Variants in ATP6V1D observed in about 807,000 individuals in gnomAD.
The protein encoded by ATP6V1D is V-type proton ATPase subunit D.
A neutral mutation model predicts 39.4 loss-of-function variants in ATP6V1D; 20 were observed. That is an observed-to-expected ratio of 0.51 (90% CI 0.36 to 0.74). ATP6V1D has a LOEUF of 0.74. Ranked by LOEUF, ATP6V1D falls within the 30% of genes least tolerant of loss-of-function variation. The pLI, the probability that ATP6V1D is intolerant of heterozygous loss-of-function variation, is 0.00. For missense variants in ATP6V1D, 228 were observed against 291.6 expected, an observed-to-expected ratio of 0.78 and a Z score of 1.59; for synonymous variants, 100 against 100.5, an observed-to-expected ratio of 0.99 and a Z score of 0.03.
At chr14:67,350,730 T>C in intron 2 of ATP6V1D, 40 bp from the exon 3 acceptor site, 4 of 1,550,460 alleles carry the variant, frequency 2.6e-6, no homozygotes, top group Non-Finnish European at 3.6e-6. Flanking sequence ...AACCAAGCCT[T>C]TTACAAGGAA....
At chr14:67,344,805 C>T in intron 6 of ATP6V1D, among the ~76,000 whole-genome samples, 1 of 151,646 alleles carries the variant, frequency 6.6e-6, no homozygotes, top group South Asian at 2.1e-4. Context: ...TGCTTGAGCC[C>T]AGGAGATCCA....
At chr14:67,348,882 AC>A in intron 4 of ATP6V1D, 154 bp downstream of exon 4, 1 of 725,588 alleles carries the variant, frequency 1.4e-6, no homozygotes, top group Non-Finnish European at 2.2e-6. Flanking sequence ...GTAATTAGAA[AC>A]CTGGTTGTTA....
At chr14:67,358,565 T>G (rs956019108) in intron 1 of ATP6V1D, among the ~76,000 whole-genome samples, 17 of 152,122 alleles carry the variant, frequency 1.1e-4, no homozygotes, top group African/African-American at 3.9e-4. Flanking sequence ...CCAGGCGCGG[T>G]GGCTCCCATC....
chr14:67,355,536 T>G (rs1199942174), intron 1 of ATP6V1D, among the ~76,000 whole-genome samples: 1 of 95,600 alleles, frequency 1.0e-5, no homozygotes, highest in Admixed American at 1.1e-4. Flanking sequence ...AAAATTAAAA[T>G]AAGGAATTAT....
At chr14:67,348,573 G>A (rs1371246159) in intron 4 of ATP6V1D, among the ~76,000 whole-genome samples, 2 of 151,844 alleles carry the variant, frequency 1.3e-5, no homozygotes, top group Non-Finnish European at 2.9e-5. Context: ...CCAGGCTGGA[G>A]TGCAGTGGTG....
At chr14:67,347,649 C>T (rs2085629135) in intron 4 of ATP6V1D, among the ~76,000 whole-genome samples, 196 bp from the exon 5 acceptor site, 1 of 151,910 alleles carries the variant, frequency 6.6e-6, no homozygotes, top group African/African-American at 2.4e-5. Context: ...TACAGGCATG[C>T]ACCACCACAC....
intron 7 of ATP6V1D, among the ~76,000 whole-genome samples, chr14:67,342,942 A>C (rs929933503): frequency 1.3e-5 from 2 of 152,180 alleles, no homozygotes; most frequent in Non-Finnish European, 2.9e-5. Flanking sequence ...AAATAAGTGC[A>C]TCAAATGGGA....
At chr14:67,356,340 G>A (rs1374608032) in intron 1 of ATP6V1D, among the ~76,000 whole-genome samples, 1 of 151,334 alleles carries the variant, frequency 6.6e-6, no homozygotes, top group East Asian at 2.0e-4. Flanking sequence ...AAAATCACTT[G>A]AACCTGGCAG....
chr14:67,343,395 C>A lies in ATP6V1D; in HGVS notation c.500G>T (p.Arg167Met), dbSNP rs776968392. 2.5e-6 allele frequency: 4 copies of A among 1,612,462 alleles called. No homozygotes were observed. In the Admixed American group the frequency reaches 6.7e-5, roughly 27 times the overall value. ...TLDEAIKITN[R>M]RVNAIEHVII... ...ACCATGTTCAATGGCATTTACACGCCTGTTGGTTATCTTAATAGCTTCATC... is the reference window on the plus strand; with the variant it reads ...ACCATGTTCAATGGCATTTACACGCATGTTGGTTATCTTAATAGCTTCATC... The change falls in exon 7 of 9, where the codon AGG becomes ATG. Residue 167 changes from arginine to methionine, a missense_variant. Physicochemically the swap from Arg to Met is moderately conservative, Grantham distance 91 (BLOSUM62 -1). Transcript: ENST00000216442.
In ATP6V1D at chr14:67,338,427, C is replaced by T. The variant is rs143561979; in HGVS notation, c.*194G>A. 1 of 573,674 alleles carries T rather than the reference C, an allele frequency of 1.7e-6. No homozygotes were observed. The highest frequency in any genetic ancestry group is 1.9e-5 in the African/African-American group (1 of 52,808). The allele number at this position is 573,674 out of a possible 1,614,324, so 35.5% of individuals were successfully genotyped here. On this transcript the variant is annotated 3_prime_UTR_variant, in exon 9 of 9. Transcript: ENST00000216442. ...AAGTTCCTGGGCAGGTTTTACAGATCTCTTTCATCCATGATAAATGGTTGC... is the reference window on the plus strand; with the variant it reads ...AAGTTCCTGGGCAGGTTTTACAGATTTCTTTCATCCATGATAAATGGTTGC...
At chr14:67,346,408 C>T (rs2085619897) in intron 5 of ATP6V1D, among the ~76,000 whole-genome samples, 1 of 152,180 alleles carries the variant, frequency 6.6e-6, no homozygotes, top group African/African-American at 2.4e-5. Context: ...ACTTCTCAGG[C>T]TCAAGCAATC....
At chr14:67,354,850 G>A in intron 1 of ATP6V1D, among the ~76,000 whole-genome samples, 1 of 152,150 alleles carries the variant, frequency 6.6e-6, no homozygotes, top group South Asian at 2.1e-4. Flanking sequence ...TTTCACTCTT[G>A]TTGCCCAGGC....
intron 2 of ATP6V1D, among the ~76,000 whole-genome samples, chr14:67,352,368 G>C (rs1210393503): frequency 6.6e-6 from 1 of 151,628 alleles, no homozygotes; most frequent in Non-Finnish European, 1.5e-5. Context: ...CTACTCGAGA[G>C]GCTGAGGTGG....
rs773508929 is a variant in ATP6V1D, at chr14:67,345,786, C to T, written c.438G>A (p.Val146=). The change falls in exon 6 of 9, where the codon GTG becomes GTA. Residue 146 remains valine (V), a synonymous_variant. Transcript: ENST00000216442. Reference sequence around the variant, plus strand: ...TACTTACCTGCAGAGAAGCTAGTTCCACCAGTAGTTCCACTGCTTTGGCAT... The same window carrying T: ...TACTTACCTGCAGAGAAGCTAGTTCTACCAGTAGTTCCACTGCTTTGGCAT... ...RNYAKAVELL[V]ELASLQTSFV... is the part of the protein sequence containing the mutation. 5.6e-6 allele frequency: 9 copies of T among 1,613,506 alleles called. No individual in the cohort carries two copies. Among genetic ancestry groups the T allele is most frequent in the Non-Finnish European group, 6.8e-6 (8 of 1,179,580 alleles).
At chr14:67,351,796 C>T (rs1156781634) in intron 2 of ATP6V1D, among the ~76,000 whole-genome samples, 1 of 151,700 alleles carries the variant, frequency 6.6e-6, no homozygotes, top group Non-Finnish European at 1.5e-5. Context: ...GTTGGGATTA[C>T]AGGCATGAGT....
chr14:67,339,574 C>A (rs1455082089), intron 8 of ATP6V1D, among the ~76,000 whole-genome samples: 3 of 152,152 alleles, frequency 2.0e-5, no homozygotes, highest in Non-Finnish European at 4.4e-5. Flanking sequence ...AGTATTTATA[C>A]CTGTTGACTC....
At chr14:67,342,056 G>A (rs1250677141) in intron 7 of ATP6V1D, among the ~76,000 whole-genome samples, 1 of 152,012 alleles carries the variant, frequency 6.6e-6, no homozygotes, top group Non-Finnish European at 1.5e-5. Context: ...GCGGAAGTCT[G>A]CAGGGTCCTC....
intron 4 of ATP6V1D, 59 bp from the exon 5 acceptor site, chr14:67,347,512 T>TC: frequency 6.8e-7 from 1 of 1,475,370 alleles, no homozygotes. Flanking sequence ...CTTTTTTTTT[T>TC]TTTTCTGAGA....
Position 67,338,443 on chromosome 14 carries a change from A to G in ATP6V1D, c.*178T>C. 1.5e-6 allele frequency: 1 copy of G among 661,572 alleles called. No individual in the cohort carries two copies. The highest frequency in any genetic ancestry group is 2.5e-5 in the South Asian group (1 of 39,908). The allele number at this position is 661,572 out of a possible 1,614,324, so 41.0% of individuals were successfully genotyped here. ...TTTACAGATCTCTTTCATCCATGATAAATGGTTGCTAAATTATGATTCTGC... is the reference window on the plus strand; with the variant it reads ...TTTACAGATCTCTTTCATCCATGATGAATGGTTGCTAAATTATGATTCTGC... On this transcript the variant is annotated 3_prime_UTR_variant, in exon 9 of 9. Transcript: ENST00000216442.
Sources: gnomAD v4.1 joint callset for allele counts (sites outside exome capture counted in the v4.1 genomes callset) on GRCh38, gnomAD v4.1.1 for gene constraint, MANE v1.5 for transcripts, NCBI Gene and HGNC (gene_info 2026-07-23, HGNC 2026-07-21) for gene names.